GPC5: variants seen among roughly 807,000 people sequenced by gnomAD.
GPC5 encodes glypican-5.
A neutral mutation model predicts 53.9 loss-of-function variants in GPC5; 47 were observed. The observed-to-expected ratio is 0.87, with a 90% CI of 0.69 to 1.11. The LOEUF is 1.11. Among genes scored for constraint, GPC5 ranks in the 50% most tolerant of loss-of-function variants. The probability of loss-of-function intolerance (pLI) is 0.00; values close to 1 mark genes in which losing one functional copy is unlikely to be tolerated. For missense variants in GPC5, 748 were observed against 713.1 expected (o/e 1.05, Z -0.56); for synonymous variants, 286 against 263.3 (o/e 1.09, Z -0.84).
intron 7 of GPC5, among the ~76,000 whole-genome samples, chr13:92,356,932 C>T (rs1010749870): frequency 1.3e-5 from 2 of 152,142 alleles, no homozygotes; most frequent in Non-Finnish European, 2.9e-5. Flanking sequence ...GTATTCTCAT[C>T]GTTTAGTGAC....
chr13:92,079,677 C>A (rs1010782648), intron 6 of GPC5, among the ~76,000 whole-genome samples: 1 of 152,216 alleles, frequency 6.6e-6, no homozygotes, highest in Non-Finnish European at 1.5e-5. Context: ...AGGTAATCAT[C>A]TCTTGCTGTT....
At chr13:91,568,080 T>G (rs533442686) in intron 2 of GPC5, among the ~76,000 whole-genome samples, 64 of 152,326 alleles carry the variant, frequency 4.2e-4, no homozygotes, top group African/African-American at 1.5e-3. Flanking sequence ...CTTCCTCTTC[T>G]GCCATGATTG....
chr13:91,458,495 T>C (rs1881710098), intron 2 of GPC5, among the ~76,000 whole-genome samples: 2 of 151,870 alleles, frequency 1.3e-5, no homozygotes, highest in Admixed American at 1.3e-4. Flanking sequence ...TGAACAAACA[T>C]GAAAACATGC....
chr13:91,810,198 G>C (rs1217008356), intron 5 of GPC5, among the ~76,000 whole-genome samples: 2 of 151,828 alleles, frequency 1.3e-5, no homozygotes. Flanking sequence ...AATATGACCA[G>C]GCCCTAAGAT....
chr13:92,251,473 A>G (rs1253294084), intron 7 of GPC5, among the ~76,000 whole-genome samples: 3 of 152,064 alleles, frequency 2.0e-5, no homozygotes, highest in African/African-American at 7.2e-5. Context: ...TTCACTCTCA[A>G]TATCTCTGGA....
chr13:91,935,480 C>T (rs2039861521), intron 6 of GPC5, among the ~76,000 whole-genome samples: 1 of 151,846 alleles, frequency 6.6e-6, no homozygotes, highest in Non-Finnish European at 1.5e-5. Context: ...GAAGGGTGGC[C>T]CTTTCCAAAT....
intron 6 of GPC5, among the ~76,000 whole-genome samples, chr13:91,923,443 T>C (rs887139138): frequency 6.6e-6 from 1 of 152,154 alleles, no homozygotes; most frequent in African/African-American, 2.4e-5. Context: ...AATATGCTTG[T>C]AGGGAATCAG....
intron 7 of GPC5, among the ~76,000 whole-genome samples, chr13:92,160,185 T>C (rs1367578480): frequency 1.3e-5 from 2 of 152,148 alleles, no homozygotes; most frequent in East Asian, 1.9e-4. Flanking sequence ...GCTGGGATTA[T>C]AGGCATGAAA....
intron 2 of GPC5, among the ~76,000 whole-genome samples, chr13:91,467,612 G>A (rs1260680308): frequency 6.6e-6 from 1 of 151,900 alleles, no homozygotes; most frequent in African/African-American, 2.4e-5. Context: ...AAGAACATTA[G>A]TTCAGATTTA....
At chr13:92,707,995 G>C (rs559531242) in intron 7 of GPC5, among the ~76,000 whole-genome samples, 1 of 152,206 alleles carries the variant, frequency 6.6e-6, no homozygotes, top group African/African-American at 2.4e-5. Flanking sequence ...ACTCTAATTA[G>C]TTATGGAAGT....
chr13:91,676,498 A>G (rs937621287), intron 2 of GPC5, among the ~76,000 whole-genome samples: 3 of 152,222 alleles, frequency 2.0e-5, no homozygotes, highest in East Asian at 1.9e-4. Context: ...ACAGGTTGAA[A>G]GCTATATGGC....
intron 7 of GPC5, among the ~76,000 whole-genome samples, chr13:92,404,794 A>G (rs1875721629): frequency 6.7e-6 from 1 of 149,804 alleles, no homozygotes; most frequent in Non-Finnish European, 1.5e-5. Flanking sequence ...GCTCAACAGA[A>G]GGTGTTTAAT....
chr13:92,731,742 C>T lies in GPC5; in HGVS notation c.1562-134540C>T, dbSNP rs1888811564. On this transcript the variant is annotated intron_variant, in intron 7 of 7. Transcript: ENST00000377067. ...AATCCAAAGAGGAATATTTTAACCT[C>T]ACAGAAATTAGAAATAATAGATCTC... 2.6e-5 allele frequency among the ~76,000 whole-genome samples: 4 copies of T among 151,328 alleles called. No individual in the cohort carries two copies. The Admixed American group carries it at 2.6e-4, about 10-fold the overall frequency.
chr13:92,802,131 T>G (rs1357859313), intron 7 of GPC5, among the ~76,000 whole-genome samples: 3 of 151,794 alleles, frequency 2.0e-5, no homozygotes, highest in African/African-American at 7.2e-5. Context: ...CCTACACAGG[T>G]GTACCATTTT....
intron 6 of GPC5, among the ~76,000 whole-genome samples, chr13:92,004,458 T>TATATATATATATA (rs1555303834): frequency 7.3e-5 from 6 of 82,484 alleles, no homozygotes; most frequent in African/African-American, 1.2e-4. Context: ...AAAAAAAAAA[T>TATATATATATATA]TATATATATA....
intron 5 of GPC5, among the ~76,000 whole-genome samples, chr13:91,767,665 A>G (rs1310429613): frequency 2.0e-5 from 3 of 152,222 alleles, no homozygotes; most frequent in Non-Finnish European, 4.4e-5. Flanking sequence ...CGCTTTTCCC[A>G]TGTGTCTACT....
intron 7 of GPC5, among the ~76,000 whole-genome samples, chr13:92,232,174 G>A (rs755199441): frequency 1.4e-4 from 21 of 151,806 alleles, no homozygotes; most frequent in Middle Eastern, 3.4e-3. Context: ...ATAAAAATAA[G>A]AATCGTTTTT....
At chr13:92,669,012 C>T (rs1395535727) in intron 7 of GPC5, among the ~76,000 whole-genome samples, 4 of 151,966 alleles carry the variant, frequency 2.6e-5, no homozygotes, top group African/African-American at 9.7e-5. Context: ...GTAAGTTTGT[C>T]TTCATTTTAA....
At chr13:92,712,657 A>C (rs1198616219) in intron 7 of GPC5, among the ~76,000 whole-genome samples, 3 of 152,164 alleles carry the variant, frequency 2.0e-5, no homozygotes, top group South Asian at 4.1e-4. Context: ...CTGGATGAAA[A>C]TATTTGCAAA....
Sources: allele counts gnomAD v4.1 joint callset (sites outside exome capture counted in the v4.1 genomes callset), GRCh38; gene constraint gnomAD v4.1.1; transcripts MANE v1.5; gene names NCBI Gene and HGNC (gene_info 2026-07-23, HGNC 2026-07-21).